The following NLGN4X variants were observed in gnomAD, a reference collection of about 807,000 sequenced individuals.
The protein encoded by NLGN4X is neuroligin 4 X-linked.
In NLGN4X, 3 loss-of-function variants were observed where a neutral mutation model predicts 40.3. That is an observed-to-expected ratio of 0.07 (90% CI 0.03 to 0.19). NLGN4X has a LOEUF of 0.19. Among genes scored for constraint, NLGN4X ranks in the 10% least tolerant of loss-of-function variants. NLGN4X has a pLI of 1.00. For missense variants in NLGN4X, 382 were observed against 708.3 expected (o/e 0.54, Z 5.23); for synonymous variants, 270 against 306.8 (o/e 0.88, Z 1.25).
rs2147740071 is a variant in NLGN4X at position 6,161,053 on chromosome X, ATAGG to A, written c.-305-9286_-305-9283del. ...TAAAATATATTATTCTATATATAAT[ATAGG>A]ATATAAAATATATTATTCTATATAT... On this transcript the variant is annotated intron_variant, in intron 1 of 5. Coordinates refer to ENST00000381095, the MANE Select transcript of NLGN4X (RefSeq NM_181332.3). 3.2e-5 allele frequency among the ~76,000 whole-genome samples: 3 copies of A among 94,603 alleles called. No homozygotes were observed. The South Asian group carries it at 1.5e-3, about 46-fold the overall frequency. 82.2% of individuals were successfully genotyped at this position (94,603 alleles called of 115,157 possible).
At chrX:5,981,257 G>A (rs1044355496) in intron 3 of NLGN4X, among the ~76,000 whole-genome samples, 2 of 111,076 alleles carry the variant, frequency 1.8e-5, no homozygotes, top group Non-Finnish European at 3.8e-5. Flanking sequence ...CATGCTTTGA[G>A]ATTTCCTTGA....
intron 2 of NLGN4X, among the ~76,000 whole-genome samples, chrX:6,095,102 CGTGTGTGTGTGTGTGT>C (rs56285921): frequency 0.039 from 3,418 of 88,318 alleles, 151 homozygotes; most frequent in African/African-American, 0.12. Flanking sequence ...TACGTGCGTG[CGTGTGTGTGTGTGTGT>C]GTGTGTGTGT....
At chrX:6,181,776 G>A (rs1921477193) in intron 1 of NLGN4X, among the ~76,000 whole-genome samples, 1 of 112,124 alleles carries the variant, frequency 8.9e-6, no homozygotes, top group Non-Finnish European at 1.9e-5. Context: ...GTTTCGGAGG[G>A]GATATTCAAA....
rs941717776 is a variant in NLGN4X at position 5,891,393 on chromosome X, T to A, written c.*1424A>T. The stretch of plus-strand genomic sequence containing the variant: ...TGTTTTCAGACAATCATATGTTTGA[T>A]CCCATAAATGATATAAAAGATTTTT... On this transcript the variant is annotated 3_prime_UTR_variant, in exon 6 of 6. Transcript: ENST00000381095. 4.6e-6 allele frequency: 1 copy of A among 217,802 alleles called. No homozygotes were observed. Among genetic ancestry groups the A allele is most frequent in the Non-Finnish European group, 8.3e-6 (1 of 120,353 alleles). 17.9% of individuals were successfully genotyped at this position (217,802 alleles called of 1,213,427 possible).
At chrX:6,208,141 T>A (rs1311425341) in intron 1 of NLGN4X, among the ~76,000 whole-genome samples, 1 of 112,176 alleles carries the variant, frequency 8.9e-6, no homozygotes, top group Non-Finnish European at 1.9e-5. Context: ...TTCTAATAAC[T>A]GACAGCTCTC....
At chrX:6,062,973 G>A (rs781018845) in intron 2 of NLGN4X, among the ~76,000 whole-genome samples, 4 of 110,919 alleles carry the variant, frequency 3.6e-5, no homozygotes, top group Non-Finnish European at 7.5e-5. Context: ...CAGAGCCTTG[G>A]CACTGGCTGT....
At chrX:5,933,204 C>T (rs1196179764) in intron 3 of NLGN4X, among the ~76,000 whole-genome samples, 1 of 111,597 alleles carries the variant, frequency 9.0e-6, no homozygotes, top group South Asian at 3.7e-4. Flanking sequence ...TGAGAAAATA[C>T]TTATCAAAGA....
chrX:5,928,279 T>A (rs988218742), intron 3 of NLGN4X, among the ~76,000 whole-genome samples: 18 of 112,635 alleles, frequency 1.6e-4, no homozygotes, highest in Non-Finnish European at 3.4e-4. Context: ...TTGTTTAGTA[T>A]CTTCCTTCTG....
At chrX:5,991,122 G>C (rs773325970) in intron 3 of NLGN4X, among the ~76,000 whole-genome samples, 67 of 112,185 alleles carry the variant, frequency 6.0e-4, no homozygotes, top group Non-Finnish European at 1.2e-3. Flanking sequence ...TCTGACATGA[G>C]AAGACATGGC....
rs1926580771 is a variant in NLGN4X, at chrX:6,228,615, CGAGGTATGATTCAG to C, written c.-394_-381del. On this transcript the variant is annotated 5_prime_UTR_variant, in exon 1 of 6. The change abolishes the stop of an existing upstream ORF in the 5' untranslated region. Transcript: ENST00000381095. ...CCAGATTTTTCTAGGGAACCCGAAA[CGAGGTATGATTCAG>C]GAGGATGTATTGAAAGCCCAGGAGC... is the stretch of plus-strand genomic sequence containing the variant. 1.8e-5 allele frequency: 2 copies of C among 111,141 alleles called. No homozygotes were observed. Among genetic ancestry groups the C allele is most frequent in the Middle Eastern group, 9.3e-3 (2 of 216 alleles). The allele number at this position is 111,141 out of a possible 1,213,427, so 9.2% of individuals were successfully genotyped here.
intron 4 of NLGN4X, among the ~76,000 whole-genome samples, chrX:5,904,132 C>T (rs1024728118): frequency 1.8e-5 from 2 of 111,472 alleles, no homozygotes; most frequent in Admixed American, 1.9e-4. Flanking sequence ...GACACTTCTC[C>T]TGCACTGGTA....
chrX:5,914,433 A>G (rs1380814678), intron 3 of NLGN4X, among the ~76,000 whole-genome samples: 2 of 111,281 alleles, frequency 1.8e-5, no homozygotes, highest in Non-Finnish European at 3.8e-5. Flanking sequence ...ACATTGTTAC[A>G]TGACGTTAAA....
chrX:6,122,379 C>T (rs904960404), intron 2 of NLGN4X, among the ~76,000 whole-genome samples: 1 of 111,744 alleles, frequency 8.9e-6, no homozygotes, highest in Non-Finnish European at 1.9e-5. Context: ...GCTGGGACTA[C>T]AGGCACATGC....
At chrX:5,947,010 T>C (rs149190580) in intron 3 of NLGN4X, among the ~76,000 whole-genome samples, 1,790 of 112,007 alleles carry the variant, frequency 0.016, 35 homozygotes, top group African/African-American at 0.055. Context: ...AGACATGATC[T>C]TGCTCTTTTT....
chrX:6,090,407 C>T (rs989631845), intron 2 of NLGN4X, among the ~76,000 whole-genome samples: 1 of 111,303 alleles, frequency 9.0e-6, no homozygotes, highest in African/African-American at 3.3e-5. Context: ...TTAATATTCA[C>T]TTTTGCTCTC....
At position 6,212,134 on chromosome X, in the gene NLGN4X, T is replaced by G. The variant is rs374323051; in HGVS notation, c.-306+16407A>C. Among the ~76,000 whole-genome samples the G allele has an allele frequency of 4.6e-5, 5 of 109,455 alleles. No homozygotes were observed. In the East Asian group the frequency reaches 1.4e-3, roughly 32 times the overall value. On this transcript the variant is annotated intron_variant, in intron 1 of 5. Coordinates refer to ENST00000381095, the MANE Select transcript of NLGN4X (RefSeq NM_181332.3). Reference sequence around the variant, plus strand: ...GCTCGTGGGCACCTGTAATCCCAGCTACTTGGGAGGCTGAGACAGGAGAAT... The same window carrying G: ...GCTCGTGGGCACCTGTAATCCCAGCGACTTGGGAGGCTGAGACAGGAGAAT...
chrX:5,954,921 T>C (rs1217753158), intron 3 of NLGN4X, among the ~76,000 whole-genome samples: 2 of 111,669 alleles, frequency 1.8e-5, no homozygotes, highest in African/African-American at 3.3e-5. Flanking sequence ...TTGATCACCA[T>C]AGTTATTAGC....
At chrX:6,087,893 C>T (rs768138123) in intron 2 of NLGN4X, among the ~76,000 whole-genome samples, 1 of 112,307 alleles carries the variant, frequency 8.9e-6, no homozygotes, top group East Asian at 2.8e-4. Context: ...GCCTTTCTTT[C>T]TTTTTGAGCT....
At chrX:6,011,274 A>T (rs1268490143) in intron 3 of NLGN4X, among the ~76,000 whole-genome samples, 5 of 110,319 alleles carry the variant, frequency 4.5e-5, no homozygotes, top group Non-Finnish European at 9.4e-5. Flanking sequence ...ACCTGTGGCA[A>T]ATGAGAGCAT....
Sources: gnomAD v4.1 joint callset for allele counts (sites outside exome capture counted in the v4.1 genomes callset) on GRCh38, gnomAD v4.1.1 for gene constraint, MANE v1.5 for transcripts, NCBI Gene and HGNC (gene_info 2026-07-23, HGNC 2026-07-21) for gene names.